The following CALD1 variants were observed in gnomAD, a reference collection of about 807,000 sequenced individuals.
CALD1 encodes caldesmon.
Under a neutral mutation model 99.9 loss-of-function variants are expected in CALD1, and 33 were observed. The ratio of observed to expected loss-of-function variants is 0.33; its 90% confidence interval spans 0.25 to 0.44. The LOEUF is 0.44. Among genes scored for constraint, CALD1 ranks in the 20% least tolerant of loss-of-function variants. The probability of loss-of-function intolerance (pLI) is 1.00; values close to 1 mark genes in which losing one functional copy is unlikely to be tolerated. For synonymous variants in CALD1, 310 were observed against 325.0 expected (o/e 0.95, Z 0.50); for missense variants, 861 against 962.1 (o/e 0.89, Z 1.39).
intron 3 of CALD1, among the ~76,000 whole-genome samples, chr7:134,906,051 T>C (rs981475182): frequency 6.8e-6 from 1 of 147,446 alleles, no homozygotes; most frequent in Admixed American, 6.8e-5. Context: ...TGCCTCAACC[T>C]CCCAAGTAGC....
At chr7:134,760,564 A>T (rs1284016356) in intron 1 of CALD1, among the ~76,000 whole-genome samples, 1 of 152,234 alleles carries the variant, frequency 6.6e-6, no homozygotes, top group Non-Finnish European at 1.5e-5. Flanking sequence ...GAAAGATTTT[A>T]TTTGGGCAAA....
intron 2 of CALD1, among the ~76,000 whole-genome samples, chr7:134,853,424 A>T (rs1800161876): frequency 6.6e-6 from 1 of 152,214 alleles, no homozygotes; most frequent in African/African-American, 2.4e-5. Flanking sequence ...TATATATATT[A>T]ATGTCATTCC....
At chr7:134,762,141 C>T (rs1679333175) in intron 1 of CALD1, among the ~76,000 whole-genome samples, 1 of 152,168 alleles carries the variant, frequency 6.6e-6, no homozygotes, top group Admixed American at 6.5e-5. Context: ...AATCTTGGAC[C>T]TTATTACTGC....
chr7:134,942,633 A>G (rs569931073), intron 7 of CALD1, among the ~76,000 whole-genome samples: 9 of 152,316 alleles, frequency 5.9e-5, no homozygotes, highest in Non-Finnish European at 1.3e-4. Flanking sequence ...AACTTGCTGA[A>G]GTGTCTGTAG....
the CALD1 span, among the ~76,000 whole-genome samples, chr7:134,712,669 G>A: frequency 6.6e-6 from 1 of 152,186 alleles, no homozygotes; most frequent in Non-Finnish European, 1.5e-5. Context: ...TCTCTTTTGT[G>A]GTAAAATTGC....
chr7:134,868,845 G>A (rs1800930155), intron 3 of CALD1, among the ~76,000 whole-genome samples: 1 of 152,154 alleles, frequency 6.6e-6, no homozygotes. Context: ...TGCAAGCTGT[G>A]TGGCCCTGAG....
At chr7:134,950,593 C>A in intron 9 of CALD1, 79 bp downstream of exon 9, 3 of 1,124,548 alleles carry the variant, frequency 2.7e-6, no homozygotes, top group Non-Finnish European at 4.0e-6. Context: ...ATTGATTATA[C>A]AGGGCCTTTG....
intron 6 of CALD1, among the ~76,000 whole-genome samples, chr7:134,940,547 A>ATG (rs1322231194): frequency 6.6e-5 from 10 of 152,324 alleles, no homozygotes; most frequent in African/African-American, 2.4e-4. Context: ...GGGTTAGTAA[A>ATG]TGTCCCATCC....
chr7:134,894,190 T>G (rs969901593), intron 3 of CALD1, among the ~76,000 whole-genome samples: 1 of 152,208 alleles, frequency 6.6e-6, no homozygotes, highest in Non-Finnish European at 1.5e-5. Flanking sequence ...AGCCATCTTA[T>G]TTAGGAACTA....
intron 1 of CALD1, among the ~76,000 whole-genome samples, chr7:134,772,885 T>C (rs575314779): frequency 1.9e-4 from 29 of 152,352 alleles, no homozygotes; most frequent in African/African-American, 6.7e-4. Flanking sequence ...GTCCTGGGAT[T>C]TTCTTTTACC....
At chr7:134,904,282 C>T (rs1463169727) in intron 3 of CALD1, among the ~76,000 whole-genome samples, 1 of 151,788 alleles carries the variant, frequency 6.6e-6, no homozygotes, top group Non-Finnish European at 1.5e-5. Context: ...TTATTGAATA[C>T]ATTTAAAATG....
chr7:134,782,460 A>G lies in CALD1; in HGVS notation c.-130+2711A>G, dbSNP rs3800701. 1.4e-3 allele frequency among the ~76,000 whole-genome samples: 216 copies of G among 152,374 alleles called. 4 individuals are homozygous for G. The highest frequency in any genetic ancestry group is 0.012 in the East Asian group (61 of 5,192). On this transcript the variant is annotated intron_variant, in intron 1 of 14. Coordinates refer to ENST00000361675, the MANE Select transcript of CALD1 (RefSeq NM_033138.4). Reference sequence around the variant, plus strand: ...CAAGTTTGCTATTGGAGAGATGCCCATAAGTCCTGAGTAGATGGGTAGTTT... The same window carrying G: ...CAAGTTTGCTATTGGAGAGATGCCCGTAAGTCCTGAGTAGATGGGTAGTTT...
rs1808917798 is a variant in CALD1, at chr7:134,969,731, T to C, written c.*1386T>C. The stretch of plus-strand genomic sequence containing the variant: ...CTAGTTTTACTTTCTCCCCCAAGTC[T>C]TTTTTAACTCATGATTTTTACACAC... On this transcript the variant is annotated 3_prime_UTR_variant, in exon 15 of 15. Transcript: ENST00000361675. 2 of 152,290 alleles carry C rather than the reference T, an allele frequency of 1.3e-5. No individual in the cohort carries two copies. Among genetic ancestry groups the C allele is most frequent in the African/African-American group, 2.4e-5 (1 of 41,474 alleles). 9.4% of individuals were successfully genotyped at this position (152,290 alleles called of 1,614,324 possible). A position where few individuals can be genotyped will look rare whatever the true frequency, so the allele number is the denominator to read the frequency against.
chr7:134,801,772 C>T (rs981259081), intron 1 of CALD1, among the ~76,000 whole-genome samples: 2 of 137,540 alleles, frequency 1.5e-5, no homozygotes, highest in Middle Eastern at 3.4e-3. Context: ...GCACTCACCA[C>T]TACGCCTGCT....
intron 1 of CALD1, among the ~76,000 whole-genome samples, chr7:134,748,130 A>C (rs1796652224): frequency 6.6e-6 from 1 of 152,268 alleles, no homozygotes; most frequent in South Asian, 2.1e-4. Context: ...ATGCTTGAGC[A>C]TTAAGATTTT....
At chr7:134,730,516 AG>A in the CALD1 span, among the ~76,000 whole-genome samples, 11 of 152,190 alleles carry the variant, frequency 7.2e-5, no homozygotes, top group Non-Finnish European at 1.5e-4. Context: ...CTGTGGTGCA[AG>A]CTCCTTGAAA....
At chr7:134,800,482 C>T (rs1797901222) in intron 1 of CALD1, among the ~76,000 whole-genome samples, 1 of 152,062 alleles carries the variant, frequency 6.6e-6, no homozygotes. Flanking sequence ...GCTTAATACA[C>T]ATAAGTTTAT....
the CALD1 span, among the ~76,000 whole-genome samples, chr7:134,727,134 G>A: frequency 6.6e-6 from 1 of 152,146 alleles, no homozygotes; most frequent in Non-Finnish European, 1.5e-5. Context: ...CTCTCATCAA[G>A]ATTTACAGGA....
intron 1 of CALD1, among the ~76,000 whole-genome samples, chr7:134,810,609 T>C (rs1009080569): frequency 1.1e-4 from 16 of 152,176 alleles, no homozygotes; most frequent in Admixed American, 9.2e-4. Context: ...TTAGGGTTTC[T>C]CCCATGATAG....
Sources: gnomAD v4.1 joint callset for allele counts (sites outside exome capture counted in the v4.1 genomes callset) on GRCh38, gnomAD v4.1.1 for gene constraint, MANE v1.5 for transcripts, NCBI Gene and HGNC (gene_info 2026-07-23, HGNC 2026-07-21) for gene names.